The following CDS2 variants were observed in gnomAD, a reference collection of about 807,000 sequenced individuals.
CDS2 encodes the protein CDP-diacylglycerol synthase 2, also known as phosphatidate cytidylyltransferase 2.
Under a neutral mutation model 59.0 loss-of-function variants are expected in CDS2, and 47 were observed. The ratio of observed to expected loss-of-function variants is 0.80; its 90% CI spans 0.63 to 1.02. The LOEUF (loss-of-function observed/expected upper bound fraction) is 1.02. Among genes scored for constraint, CDS2 ranks in the 50% least tolerant of loss-of-function variants. The pLI, the probability that CDS2 is intolerant of heterozygous loss-of-function variation, is 0.00. For synonymous variants in CDS2, 207 were observed against 206.4 expected, an observed-to-expected ratio of 1.00 and a Z score of -0.02; for missense variants, 356 against 558.9, an observed-to-expected ratio of 0.64 and a Z score of 3.66.
intron 4 of CDS2, among the ~76,000 whole-genome samples, chr20:5,177,630 A>G (rs1326793507): frequency 6.6e-6 from 1 of 152,094 alleles, no homozygotes; most frequent in Non-Finnish European, 1.5e-5. Flanking sequence ...TTCTCACCCC[A>G]CTGTGCAGGG....
chr20:5,127,214 G>A (rs1460003445), intron 1 of CDS2, 65 bp downstream of exon 1: 6 of 1,340,388 alleles, frequency 4.5e-6, no homozygotes, highest in Non-Finnish European at 6.0e-6. Flanking sequence ...TGCGGGGGAC[G>A]CGCGCAGAGG....
chr20:5,136,144 C>G (rs1366351933), intron 1 of CDS2, among the ~76,000 whole-genome samples: 1 of 152,284 alleles, frequency 6.6e-6, no homozygotes, highest in Non-Finnish European at 1.5e-5. Flanking sequence ...GTGGGCAACT[C>G]TCAGAGCCAT....
rs549592659 is a variant in CDS2 at position 5,131,932 on chromosome 20, T to C, written c.57+4783T>C. Among the ~76,000 whole-genome samples, 6 of 152,346 alleles carry C rather than the reference T, an allele frequency of 3.9e-5. No homozygotes were observed. The East Asian group carries it at 5.8e-4, about 15-fold the overall frequency. ...TTAGCTATGTTGCTACTGATTAAAA[T>C]AGATTTTTATAGAAAAAACTTTAAT... On this transcript the variant is annotated intron_variant, in intron 1 of 12. Coordinates refer to ENST00000460006, the MANE Select transcript of CDS2 (RefSeq NM_003818.4).
chr20:5,146,459 G>T (rs2090744446), intron 1 of CDS2, among the ~76,000 whole-genome samples: 1 of 152,310 alleles, frequency 6.6e-6, no homozygotes, highest in East Asian at 1.9e-4. Flanking sequence ...CAATGGGAGG[G>T]TGTTGAGTAG....
chr20:5,140,090 C>T (rs1347190473), intron 1 of CDS2, among the ~76,000 whole-genome samples: 2 of 152,234 alleles, frequency 1.3e-5, no homozygotes, highest in Non-Finnish European at 2.9e-5. Flanking sequence ...GCGTGAACCG[C>T]TGCACCCGGC....
chr20:5,189,565 A>G (rs2091096869), intron 11 of CDS2, among the ~76,000 whole-genome samples, 170 bp from the exon 12 acceptor site: 1 of 152,178 alleles, frequency 6.6e-6, no homozygotes, highest in Non-Finnish European at 1.5e-5. Context: ...ACATTTTGTA[A>G]TGCAATAAAA....
At chr20:5,137,348 A>G (rs1056946827) in intron 1 of CDS2, among the ~76,000 whole-genome samples, 33 of 151,034 alleles carry the variant, frequency 2.2e-4, no homozygotes, top group African/African-American at 7.1e-4. Flanking sequence ...GGTTCAAGCA[A>G]TTCTCCTGCC....
At chr20:5,137,330 G>A (rs2090656881) in intron 1 of CDS2, among the ~76,000 whole-genome samples, 1 of 149,196 alleles carries the variant, frequency 6.7e-6, no homozygotes, top group East Asian at 2.0e-4. Flanking sequence ...TGCAGCCTCC[G>A]CCTCCCAGGT....
intron 1 of CDS2, among the ~76,000 whole-genome samples, chr20:5,157,864 A>G (rs531448713): frequency 1.3e-5 from 2 of 152,278 alleles, no homozygotes; most frequent in Admixed American, 6.5e-5. Flanking sequence ...TATGCAGACC[A>G]CCGTAGGCCA....
chr20:5,149,345 T>A (rs1032891739), intron 1 of CDS2, among the ~76,000 whole-genome samples: 4 of 152,208 alleles, frequency 2.6e-5, no homozygotes, highest in African/African-American at 9.6e-5. Flanking sequence ...CATGTTCACA[T>A]TTTTCTTATT....
intron 1 of CDS2, among the ~76,000 whole-genome samples, chr20:5,151,510 C>A (rs916432260): frequency 2.6e-5 from 4 of 152,110 alleles, no homozygotes; most frequent in African/African-American, 7.2e-5. Flanking sequence ...CCTGTAGTCT[C>A]AGCTACTTGG....
intron 1 of CDS2, among the ~76,000 whole-genome samples, chr20:5,171,100 C>T (rs538251132): frequency 3.7e-4 from 56 of 152,296 alleles, no homozygotes; most frequent in African/African-American, 1.3e-3. Flanking sequence ...CTCTGGATAC[C>T]CCTCTTCACT....
In CDS2 at chr20:5,185,807, C is replaced by T; in HGVS notation, c.809C>T (p.Thr270Ile). The change falls in exon 9 of 13, where the codon ACT becomes ATT. Residue 270 changes from threonine (T) to isoleucine (I), a missense_variant. By Grantham distance (89) the Thr-to-Ile change is moderately conservative (BLOSUM62 -1). This residue lies in a region of CDS2 where 88 missense variants were observed against 103.6 expected (regional missense o/e 0.85). Coordinates refer to ENST00000460006, the MANE Select transcript of CDS2 (RefSeq NM_003818.4). Reference protein sequence around the residue: ...WEGFIGGFFATVVFGLLLSYV... With the variant: ...WEGFIGGFFAIVVFGLLLSYV... ...GGCTTCATTGGGGGCTTCTTTGCTA[C>T]TGTGGTGTTTGGCCTTCTGGTAGGT... 1 of 1,614,220 alleles carries T rather than the reference C, an allele frequency of 6.2e-7. No individual in the cohort carries two copies. The highest frequency in any genetic ancestry group is 8.5e-7 in the Non-Finnish European group (1 of 1,180,018).
intron 1 of CDS2, chr20:5,128,613 T>C (rs13038869): frequency 0.18 from 27,526 of 151,960 alleles, 3,892 homozygotes; most frequent in African/African-American, 0.4. Flanking sequence ...CAAAAACATA[T>C]TTTGGAGAAC....
intron 1 of CDS2, among the ~76,000 whole-genome samples, chr20:5,148,787 T>C (rs186699742): frequency 6.6e-6 from 1 of 152,356 alleles, no homozygotes; most frequent in East Asian, 1.9e-4. Context: ...AGCTTTGTTT[T>C]CTCACAGGGA....
At chr20:5,180,117 C>A (rs1323244561) in intron 5 of CDS2, among the ~76,000 whole-genome samples, 2 of 152,216 alleles carry the variant, frequency 1.3e-5, no homozygotes, top group African/African-American at 4.8e-5. Flanking sequence ...CTGGGCAGAA[C>A]TGCTTTTGAG....
At chr20:5,148,879 T>G (rs2090766307) in intron 1 of CDS2, among the ~76,000 whole-genome samples, 1 of 152,190 alleles carries the variant, frequency 6.6e-6, no homozygotes, top group Non-Finnish European at 1.5e-5. Flanking sequence ...GGTACAGAGA[T>G]TTTTTTTCAG....
At chr20:5,156,926 C>T (rs971864229) in intron 1 of CDS2, among the ~76,000 whole-genome samples, 2 of 152,156 alleles carry the variant, frequency 1.3e-5, no homozygotes, top group Non-Finnish European at 2.9e-5. Context: ...CATCTCTGAC[C>T]TGGTCACTGT....
At position 5,137,217 on chromosome 20, in the gene CDS2, GTTCT is replaced by G. The variant is rs532514167; in HGVS notation, c.57+10073_57+10076del. 3.3e-3 allele frequency among the ~76,000 whole-genome samples: 496 copies of G among 148,408 alleles called. 1 individual carries two copies. Among genetic ancestry groups the G allele is most frequent in the Non-Finnish European group, 5.6e-3 (375 of 67,348 alleles). On this transcript the variant is annotated intron_variant, in intron 1 of 12. Coordinates refer to ENST00000460006, the MANE Select transcript of CDS2 (RefSeq NM_003818.4). ...TTGCTCTTTCCTACCTCTGAAATGT[GTTCT>G]TTCTGTCACCCTCCCTCATTTCTAC...
Sources: allele counts gnomAD v4.1 joint callset (sites outside exome capture counted in the v4.1 genomes callset), GRCh38; gene constraint gnomAD v4.1.1; regional missense constraint gnomAD v4.1.1; transcripts MANE v1.5; gene names NCBI Gene and HGNC (gene_info 2026-07-23, HGNC 2026-07-21).